The following LRRFIP2 variants were observed in gnomAD, a reference collection of about 807,000 sequenced individuals.
LRRFIP2 encodes the protein leucine-rich repeat flightless-interacting protein 2.
Under a neutral mutation model 125.9 loss-of-function variants are expected in LRRFIP2, and 109 were observed. The observed-to-expected ratio is 0.87, with a 90% CI of 0.74 to 1.01. LRRFIP2 has a LOEUF of 1.01. LRRFIP2 is among the 50% of genes least tolerant of loss of function. LRRFIP2 has a pLI of 0.00. For missense variants in LRRFIP2, 850 were observed against 862.3 expected, an observed-to-expected ratio of 0.99 and a Z score of 0.18; for synonymous variants, 291 against 293.1, an observed-to-expected ratio of 0.99 and a Z score of 0.07.
chr3:37,103,349 C>T (rs193225910), intron 14 of LRRFIP2, among the ~76,000 whole-genome samples: 2 of 152,190 alleles, frequency 1.3e-5, no homozygotes, highest in African/African-American at 4.8e-5. Context: ...CAGTATATAC[C>T]TCTACTATAA....
chr3:37,114,980 T>C, intron 7 of LRRFIP2, 74 bp downstream of exon 7: 1 of 1,145,252 alleles, frequency 8.7e-7, no homozygotes, highest in African/African-American at 1.5e-5. Context: ...AAGTTAGTCA[T>C]ATTCTATAAT....
intron 18 of LRRFIP2, among the ~76,000 whole-genome samples, chr3:37,086,755 ACT>A (rs1009153990): frequency 1.3e-5 from 2 of 152,146 alleles, no homozygotes; most frequent in African/African-American, 4.8e-5. Context: ...TAGTTGCACA[ACT>A]CTGTGAGTAT....
At chr3:37,129,429 A>G (rs2095369462) in intron 2 of LRRFIP2, among the ~76,000 whole-genome samples, 1 of 152,156 alleles carries the variant, frequency 6.6e-6, no homozygotes, top group South Asian at 2.1e-4. Context: ...ATGCCTCTCC[A>G]AACTTACTCT....
At chr3:37,093,130 T>C (rs2093551147) in intron 17 of LRRFIP2, 1 of 152,884 alleles carries the variant, frequency 6.5e-6, no homozygotes, top group African/African-American at 2.4e-5. Flanking sequence ...GACAAATTTT[T>C]TTTTAAGGCT....
At chr3:37,126,537 C>T (rs1252893352) in intron 4 of LRRFIP2, among the ~76,000 whole-genome samples, 7 of 151,526 alleles carry the variant, frequency 4.6e-5, no homozygotes, top group African/African-American at 1.7e-4. Context: ...ACTGCCTAAA[C>T]TATACAAATT....
At chr3:37,105,549 A>G in intron 13 of LRRFIP2, 26 bp from the exon 14 acceptor site, 3 of 1,580,336 alleles carry the variant, frequency 1.9e-6, no homozygotes, top group Non-Finnish European at 2.6e-6. Context: ...GCAGATAATG[A>G]AAAAGATGCA....
At chr3:37,094,706 C>A in intron 17 of LRRFIP2, 86 bp downstream of exon 17, 1 of 808,626 alleles carries the variant, frequency 1.2e-6, no homozygotes. Context: ...CTTCTTTCTA[C>A]TAAGTCACAT....
chr3:37,076,095 G>GCT (rs2091977380), intron 19 of LRRFIP2, among the ~76,000 whole-genome samples: 1 of 152,098 alleles, frequency 6.6e-6, no homozygotes. Flanking sequence ...AGTGAATGGG[G>GCT]GAAGAGGGAA....
At chr3:37,163,111 A>G (rs2096389536) in intron 1 of LRRFIP2, among the ~76,000 whole-genome samples, 1 of 152,132 alleles carries the variant, frequency 6.6e-6, no homozygotes, top group African/African-American at 2.4e-5. Context: ...GTTTCTCCAG[A>G]CTCAATAACA....
intron 8 of LRRFIP2, among the ~76,000 whole-genome samples, chr3:37,112,321 C>T (rs1450865546): frequency 1.5e-5 from 2 of 134,508 alleles, no homozygotes; most frequent in Admixed American, 8.6e-5. Context: ...GGAGACAGAG[C>T]GAGACTCCAT....
chr3:37,082,206 T>C (rs960829139), intron 19 of LRRFIP2, among the ~76,000 whole-genome samples: 2 of 152,118 alleles, frequency 1.3e-5, no homozygotes, highest in African/African-American at 4.8e-5. Context: ...AAAAGCATGA[T>C]GGCTCAGAAT....
chr3:37,164,258 T>C (rs1048234229), intron 1 of LRRFIP2, among the ~76,000 whole-genome samples: 19 of 152,188 alleles, frequency 1.2e-4, no homozygotes, highest in African/African-American at 4.1e-4. Context: ...ATTTATTTCA[T>C]TATAATGAAA....
intron 2 of LRRFIP2, chr3:37,134,550 C>G: frequency 2.3e-6 from 1 of 433,630 alleles, no homozygotes; most frequent in South Asian, 1.9e-5. Flanking sequence ...CTGGCAGAGC[C>G]GGTATGAGAT....
intron 15 of LRRFIP2, among the ~76,000 whole-genome samples, chr3:37,098,462 A>T (rs2093845615): frequency 6.7e-6 from 1 of 150,374 alleles, no homozygotes; most frequent in South Asian, 2.1e-4. Flanking sequence ...ATCTTGGCTC[A>T]CTGCACCCTC....
intron 1 of LRRFIP2, among the ~76,000 whole-genome samples, chr3:37,168,860 G>T (rs1223484808): frequency 1.3e-5 from 2 of 152,170 alleles, no homozygotes; most frequent in Non-Finnish European, 2.9e-5. Flanking sequence ...GCACACTACA[G>T]CCTAGAACTC....
At chr3:37,135,240 C>G (rs1456626670) in intron 2 of LRRFIP2, 3 of 621,946 alleles carry the variant, frequency 4.8e-6, no homozygotes, top group East Asian at 2.9e-5. Flanking sequence ...GCGGGCTGAT[C>G]ACTAGGTCAG....
chr3:37,161,981 G>C (rs764032472), intron 1 of LRRFIP2, among the ~76,000 whole-genome samples: 2 of 151,494 alleles, frequency 1.3e-5, no homozygotes, highest in Admixed American at 6.6e-5. Flanking sequence ...TCAGGAGTTC[G>C]AGCCTGGACA....
At chr3:37,112,334 C>CAAAAAAAAAAAAA (rs1408342199) in intron 8 of LRRFIP2, among the ~76,000 whole-genome samples, 8 of 72,562 alleles carry the variant, frequency 1.1e-4, no homozygotes, top group Admixed American at 1.7e-4. Flanking sequence ...GACTCCATCT[C>CAAAAAAAAAAAAA]AAAAAAAGAA....
At chr3:37,134,676 A>T in intron 2 of LRRFIP2, 1 of 693,198 alleles carries the variant, frequency 1.4e-6, no homozygotes, top group Non-Finnish European at 2.7e-6. Flanking sequence ...AAGACAGATT[A>T]ATAAGGAACT....
Sources: gnomAD v4.1 joint callset for allele counts (sites outside exome capture counted in the v4.1 genomes callset) on GRCh38, gnomAD v4.1.1 for gene constraint, MANE v1.5 for transcripts, NCBI Gene and HGNC (gene_info 2026-07-23, HGNC 2026-07-21) for gene names.